The following REDIC1 variants were observed in gnomAD, a reference collection of about 807,000 sequenced individuals.
REDIC1 encodes HEI10 Interacting Protein 1.
the REDIC1 span, among the ~76,000 whole-genome samples, chr12:39,677,856 G>T: frequency 6.6e-6 from 1 of 152,234 alleles, no homozygotes; most frequent in South Asian, 2.1e-4. Flanking sequence ...GGTCAACAAT[G>T]AAATCAAGAC....
At chr12:39,745,323 T>C in the REDIC1 span, among the ~76,000 whole-genome samples, 1 of 152,162 alleles carries the variant, frequency 6.6e-6, no homozygotes, top group Non-Finnish European at 1.5e-5. Context: ...TTTTCCATTA[T>C]AAAGCACATT....
At chr12:39,860,136 C>A in the REDIC1 span, among the ~76,000 whole-genome samples, 5 of 152,096 alleles carry the variant, frequency 3.3e-5, no homozygotes, top group Non-Finnish European at 7.4e-5. Context: ...TGTATGGGGA[C>A]AAGAGAAGCC....
At chr12:39,712,209 TG>T in the REDIC1 span, among the ~76,000 whole-genome samples, 1 of 12,718 alleles carries the variant, frequency 7.9e-5, no homozygotes, top group Non-Finnish European at 3.1e-4. Context: ...TATATACATA[TG>T]TATATATACA....
chr12:39,760,066 T>G, the REDIC1 span: 1 of 1,612,748 alleles, frequency 6.2e-7, no homozygotes, highest in Non-Finnish European at 8.5e-7. Flanking sequence ...AAGATGATAG[T>G]TACTTCCCTT....
chr12:39,893,593 G>T, the REDIC1 span, among the ~76,000 whole-genome samples: 5 of 152,140 alleles, frequency 3.3e-5, no homozygotes, highest in African/African-American at 4.8e-5. Flanking sequence ...GAGCCACCAC[G>T]CCAGGCCTAC....
At chr12:39,816,465 G>T in the REDIC1 span, among the ~76,000 whole-genome samples, 1 of 150,148 alleles carries the variant, frequency 6.7e-6, no homozygotes, top group South Asian at 2.1e-4. Context: ...AGCATTAGGA[G>T]ATATACCTAA....
At chr12:39,893,091 T>C in the REDIC1 span, among the ~76,000 whole-genome samples, 1 of 152,196 alleles carries the variant, frequency 6.6e-6, no homozygotes, top group South Asian at 2.1e-4. Context: ...TATTTCCTAT[T>C]GAGAAAACTA....
At chr12:39,697,156 C>T in the REDIC1 span, among the ~76,000 whole-genome samples, 5 of 152,144 alleles carry the variant, frequency 3.3e-5, no homozygotes, top group African/African-American at 1.2e-4. Flanking sequence ...AGCTGCAATA[C>T]GTCTGGGAGC....
chr12:39,773,400 C>T, the REDIC1 span, among the ~76,000 whole-genome samples: 2 of 152,278 alleles, frequency 1.3e-5, no homozygotes, highest in Admixed American at 6.5e-5. Context: ...ATGGAATACA[C>T]AGAACTCCCT....
the REDIC1 span, among the ~76,000 whole-genome samples, chr12:39,824,238 G>C: frequency 2.6e-5 from 4 of 152,214 alleles, no homozygotes; most frequent in Non-Finnish European, 5.9e-5. Flanking sequence ...AATGGTCCTA[G>C]TTAACTGGCT....
the REDIC1 span, among the ~76,000 whole-genome samples, chr12:39,637,617 A>T: frequency 6.6e-6 from 1 of 152,082 alleles, no homozygotes; most frequent in Non-Finnish European, 1.5e-5. Context: ...ATGTAGTAAA[A>T]TATATTGGAG....
the REDIC1 span, among the ~76,000 whole-genome samples, chr12:39,906,768 G>A: frequency 0.012 from 1,769 of 152,076 alleles, 29 homozygotes; most frequent in African/African-American, 0.039. Flanking sequence ...GGATTCATAG[G>A]TCTTCTACGA....
chr12:39,818,321 TG>T, the REDIC1 span, among the ~76,000 whole-genome samples: 2 of 68,292 alleles, frequency 2.9e-5, no homozygotes, highest in African/African-American at 1.6e-4. Context: ...CATTAAATAC[TG>T]ATCGGTACCT....
At chr12:39,648,121 T>C in the REDIC1 span, 2 of 553,712 alleles carry the variant, frequency 3.6e-6, no homozygotes, top group Non-Finnish European at 5.6e-6. Context: ...GTTCATTCCC[T>C]TTACATCAAA....
the REDIC1 span, among the ~76,000 whole-genome samples, chr12:39,717,659 G>A: frequency 1.5e-3 from 234 of 152,002 alleles, no homozygotes; most frequent in South Asian, 8.3e-4. Context: ...TTGATTTTTC[G>A]TTTCTCTAAA....
At chr12:39,741,272 C>T in the REDIC1 span, among the ~76,000 whole-genome samples, 1 of 152,168 alleles carries the variant, frequency 6.6e-6, no homozygotes, top group East Asian at 1.9e-4. Flanking sequence ...GTTATTCAAA[C>T]TGGACATGGG....
chr12:39,845,906 C>A, the REDIC1 span, among the ~76,000 whole-genome samples: 1 of 152,080 alleles, frequency 6.6e-6, no homozygotes, highest in East Asian at 1.9e-4. Context: ...ATCTCACTAA[C>A]TAAAGGAGGA....
the REDIC1 span, chr12:39,757,771 CT>C: frequency 2.6e-5 from 4 of 152,164 alleles, no homozygotes; most frequent in Middle Eastern, 3.4e-3. Flanking sequence ...CCATGTTCTG[CT>C]TTAGGAAATA....
chr12:39,712,994 CGTGT>C, the REDIC1 span, among the ~76,000 whole-genome samples: 2 of 134,220 alleles, frequency 1.5e-5, no homozygotes, highest in Admixed American at 7.4e-5. Context: ...TGTGTATATA[CGTGT>C]ATATGTATAT....
Sources: gnomAD v4.1 joint callset for allele counts (sites outside exome capture counted in the v4.1 genomes callset) on GRCh38, gnomAD v4.1.1 for gene constraint, MANE v1.5 for transcripts, NCBI Gene and HGNC (gene_info 2026-07-23, HGNC 2026-07-21) for gene names.